The following CEP135 variants were observed in gnomAD, a reference collection of about 807,000 sequenced individuals.
The protein encoded by CEP135 is centrosomal protein of 135 kDa.
A neutral mutation model predicts 157.3 loss-of-function variants in CEP135; 142 were observed. The observed-to-expected ratio is 0.90, with a 90% CI of 0.79 to 1.04. CEP135 has a LOEUF of 1.04. Among genes scored for constraint, CEP135 ranks in the 50% least tolerant of loss-of-function variants. CEP135 has a pLI of 0.00. For missense variants in CEP135, 1,317 were observed against 1,309.2 expected, an observed-to-expected ratio of 1.01 and a Z score of -0.09; for synonymous variants, 396 against 439.8, an observed-to-expected ratio of 0.90 and a Z score of 1.25.
rs199594373 is a variant in CEP135, at chr4:56,011,989, A to G, written c.2802+4A>G. 853 of 1,487,386 alleles carry G rather than the reference A, an allele frequency of 5.7e-4. 3 individuals are homozygous for G. Among genetic ancestry groups the G allele is most frequent in the Non-Finnish European group, 6.7e-4 (747 of 1,110,576 alleles). The allele number at this position is 1,487,386 out of a possible 1,614,324, so 92.1% of individuals were successfully genotyped here. On this transcript the variant is annotated splice_donor_region_variant and intron_variant, in intron 21 of 25. Coordinates refer to ENST00000257287, the MANE Select transcript of CEP135 (RefSeq NM_025009.5). ...ATTAGAAAAAGAAATTCAAGAGGTAATATATTTATTTGTTTTGTAAAGATG... is the reference window on the plus strand; with the variant it reads ...ATTAGAAAAAGAAATTCAAGAGGTAGTATATTTATTTGTTTTGTAAAGATG...
chr4:55,964,328 C>A lies in CEP135; in HGVS notation c.754C>A (p.Arg252=). 6.2e-7 allele frequency: 1 copy of A among 1,613,130 alleles called. No individual in the cohort carries two copies. Among genetic ancestry groups the A allele is most frequent in the Non-Finnish European group, 8.5e-7 (1 of 1,179,426 alleles). ...ERLSVALDGG[R]SPDVLSLESR... is the part of the protein sequence containing the mutation. ...ACTGTCAGTTGCTTTGGATGGTGGT[C>A]GGTCCCCTGATGTCCTTTCTCTGGA... The change falls in exon 7 of 26, where the codon CGG becomes AGG. Residue 252 remains arginine (R), a synonymous_variant. Transcript: ENST00000257287.
At chr4:55,958,009 C>A (rs116173558) in intron 5 of CEP135, among the ~76,000 whole-genome samples, 6 of 152,138 alleles carry the variant, frequency 3.9e-5, no homozygotes, top group African/African-American at 1.4e-4. Flanking sequence ...CTAGTCTCCA[C>A]GGTGATAGCT....
At chr4:56,004,160 A>G (rs1046552069) in intron 17 of CEP135, among the ~76,000 whole-genome samples, 3 of 152,100 alleles carry the variant, frequency 2.0e-5, no homozygotes, top group African/African-American at 4.8e-5. Context: ...TAATTTCTTC[A>G]TTGACCCATT....
rs928300758 is a variant in CEP135, at chr4:55,999,549, C to G, written c.2184C>G (p.Thr728=). Residue 728 remains threonine (T), a synonymous_variant, in exon 17 of 26, where the codon ACC becomes ACG. Transcript: ENST00000257287. Reference sequence around the variant, plus strand: ...AGGAGGCTCATGTAATGAAAAAGACCATTGGTGTTATTGATAAAGAAAAAG... The same window carrying G: ...AGGAGGCTCATGTAATGAAAAAGACGATTGGTGTTATTGATAAAGAAAAAG... ...QDEEAHVMKK[T]IGVIDKEKDF... 11 of 1,611,646 alleles carry G rather than the reference C, an allele frequency of 6.8e-6. No individual in the cohort carries two copies. The highest frequency in any genetic ancestry group is 8.5e-6 in the Non-Finnish European group (10 of 1,179,536).
At chr4:55,982,606 T>A (rs879856942) in intron 13 of CEP135, among the ~76,000 whole-genome samples, 4 of 152,228 alleles carry the variant, frequency 2.6e-5, no homozygotes, top group Non-Finnish European at 5.9e-5. Context: ...CGTTGCCGAT[T>A]TTTAAATTGG....
intron 15 of CEP135, among the ~76,000 whole-genome samples, chr4:55,998,702 T>G (rs907929405): frequency 1.3e-5 from 2 of 152,098 alleles, no homozygotes; most frequent in African/African-American, 4.8e-5. Context: ...CCGTCTCTAC[T>G]AAAAATAGAA....
At chr4:55,960,973 G>A (rs1054598201) in intron 6 of CEP135, 1 of 149,614 alleles carries the variant, frequency 6.7e-6, no homozygotes, top group Non-Finnish European at 1.5e-5. Flanking sequence ...TGAGGTTGTG[G>A]TGTGTGCCTG....
At chr4:56,025,292 A>G (rs1445523829) in intron 25 of CEP135, among the ~76,000 whole-genome samples, 1 of 152,186 alleles carries the variant, frequency 6.6e-6, no homozygotes, top group African/African-American at 2.4e-5. Context: ...TATAAATTAT[A>G]CCTGAATTTA....
rs770198984 is a variant in CEP135, at chr4:55,953,230, C to G, written c.259C>G (p.Leu87Val). Residue 87 changes from leucine to valine, a missense_variant, in exon 3 of 26, where the codon CTA (leucine) becomes GTA (valine). Transcript: ENST00000257287. ...GAGTAGAGAAAATAATGAATTATAC[C>G]TAGAGTTAATGAAACTGAGAGAACA... ...RLSRENNELY[L>V]ELMKLREHSD... 4 of 1,578,384 alleles carry G rather than the reference C, an allele frequency of 2.5e-6. No homozygotes were observed. The highest frequency in any genetic ancestry group is 3.4e-6 in the Non-Finnish European group (4 of 1,167,544).
At chr4:55,961,766 A>G in intron 6 of CEP135, among the ~76,000 whole-genome samples, 1 of 38,346 alleles carries the variant, frequency 2.6e-5, no homozygotes, top group Non-Finnish European at 5.4e-5. Flanking sequence ...ACTCTGTCTA[A>G]AAAAAAAAAA....
chr4:55,998,490 G>A (rs927230323), intron 15 of CEP135, among the ~76,000 whole-genome samples: 1 of 152,176 alleles, frequency 6.6e-6, no homozygotes, highest in Admixed American at 6.5e-5. Flanking sequence ...TCAATCTGCA[G>A]GAAATGCCTA....
intron 10 of CEP135, 42 bp from the exon 11 acceptor site, chr4:55,974,704 G>GTA: frequency 7.1e-7 from 1 of 1,414,764 alleles, no homozygotes; most frequent in Non-Finnish European, 9.8e-7. Flanking sequence ...TCAACATTAT[G>GTA]TATACAACAT....
intron 19 of CEP135, among the ~76,000 whole-genome samples, chr4:56,010,412 A>C (rs1048182230): frequency 4.7e-5 from 7 of 150,046 alleles, no homozygotes; most frequent in South Asian, 2.1e-4. Flanking sequence ...CAAAAAAAAA[A>C]CACATAGCTT....
At chr4:56,011,025 G>A (rs1730564666) in intron 19 of CEP135, among the ~76,000 whole-genome samples, 1 of 151,966 alleles carries the variant, frequency 6.6e-6, no homozygotes, top group African/African-American at 2.4e-5. Flanking sequence ...CTTGAGCCCA[G>A]GAGTTTGAGA....
intron 9 of CEP135, among the ~76,000 whole-genome samples, chr4:55,969,551 G>A (rs1728955547): frequency 6.6e-6 from 1 of 151,870 alleles, no homozygotes; most frequent in Non-Finnish European, 1.5e-5. Flanking sequence ...TCCATATAAA[G>A]GGAATCATAT....
At chr4:55,957,492 G>T in intron 5 of CEP135, 128 bp downstream of exon 5, 1 of 719,872 alleles carries the variant, frequency 1.4e-6, no homozygotes, top group African/African-American at 1.8e-5. Context: ...ACTTTGCACC[G>T]GCACTCAGTA....
intron 8 of CEP135, among the ~76,000 whole-genome samples, chr4:55,968,800 T>G (rs1374182540): frequency 6.6e-6 from 1 of 152,136 alleles, no homozygotes; most frequent in Admixed American, 6.5e-5. Context: ...TACCCCAAAA[T>G]TTAAGGCCCA....
Position 55,980,288 on chromosome 4 carries a change from A to G in CEP135, c.1619A>G (p.Tyr540Cys), listed in dbSNP as rs1481309129. 6 of 1,499,666 alleles carry G rather than the reference A, an allele frequency of 4.0e-6. No individual in the cohort carries two copies. The highest frequency in any genetic ancestry group is 1.2e-5 in the South Asian group (1 of 86,226). 92.9% of individuals were successfully genotyped at this position (1,499,666 alleles called of 1,614,324 possible). ...GAAAGAGATAAACTAAGTGTCTTAT[A>G]TAATGAAGTAAGAAATGTATTATAA... is the stretch of plus-strand genomic sequence containing the variant. ...TAERDKLSVL[Y>C]NEAQEELSAL... Residue 540 changes from tyrosine to cysteine, a missense_variant, in exon 12 of 26, where the codon TAT (tyrosine) becomes TGT (cysteine). By Grantham distance (194) the Tyr-to-Cys change is radical (BLOSUM62 -2). Coordinates refer to ENST00000257287, the MANE Select transcript of CEP135 (RefSeq NM_025009.5).
intron 6 of CEP135, among the ~76,000 whole-genome samples, chr4:55,961,531 G>A (rs576376585): frequency 6.6e-6 from 1 of 152,146 alleles, no homozygotes; most frequent in East Asian, 1.9e-4. Context: ...TGGGAAGGCT[G>A]AGGCGAGCAG....
Sources: gnomAD v4.1 joint callset for allele counts (sites outside exome capture counted in the v4.1 genomes callset) on GRCh38, gnomAD v4.1.1 for gene constraint, MANE v1.5 for transcripts, NCBI Gene and HGNC (gene_info 2026-07-23, HGNC 2026-07-21) for gene names.